OSTF1: variants seen among roughly 807,000 people sequenced by gnomAD.
The protein encoded by OSTF1 is osteoclast-stimulating factor 1.
OSTF1 carries 27 observed loss-of-function variants against 37.2 expected under a neutral mutation model. The ratio of observed to expected loss-of-function variants is 0.73; its 90% CI spans 0.54 to 1.00. The LOEUF is 1.00. OSTF1 is among the 50% of genes least tolerant of loss of function. The pLI is 0.00. For synonymous variants in OSTF1, 82 were observed against 89.2 expected, an observed-to-expected ratio of 0.92 and a Z score of 0.46; for missense variants, 232 against 253.8, an observed-to-expected ratio of 0.91 and a Z score of 0.58.
chr9:75,100,713 A>G (rs1471103969), intron 1 of OSTF1, among the ~76,000 whole-genome samples: 3 of 151,070 alleles, frequency 2.0e-5, no homozygotes, highest in Admixed American at 1.3e-4. Flanking sequence ...CCTGGGCAAC[A>G]GAGTGAGACT....
At chr9:75,098,115 C>G (rs1374289514) in intron 1 of OSTF1, among the ~76,000 whole-genome samples, 2 of 152,112 alleles carry the variant, frequency 1.3e-5, no homozygotes, top group African/African-American at 2.4e-5. Context: ...ATCTTCATGG[C>G]CTCGTACTGG....
At chr9:75,146,387 G>A (rs1826024918) in intron 9 of OSTF1, among the ~76,000 whole-genome samples, 1 of 152,236 alleles carries the variant, frequency 6.6e-6, no homozygotes, top group Non-Finnish European at 1.5e-5. Context: ...AGTGCTGCTG[G>A]TGGTGTATCA....
intron 2 of OSTF1, among the ~76,000 whole-genome samples, chr9:75,120,856 C>T (rs1825569544): frequency 1.3e-5 from 2 of 152,080 alleles, no homozygotes; most frequent in South Asian, 2.1e-4. Context: ...TAGAACCTAT[C>T]TCTCAACCCT....
At chr9:75,138,085 C>G (rs568508400) in intron 8 of OSTF1, among the ~76,000 whole-genome samples, 2 of 152,294 alleles carry the variant, frequency 1.3e-5, no homozygotes, top group African/African-American at 4.8e-5. Flanking sequence ...GAGAGGATAT[C>G]TTGATCCCCT....
At chr9:75,142,318 C>A (rs1322370316) in intron 9 of OSTF1, among the ~76,000 whole-genome samples, 2 of 152,136 alleles carry the variant, frequency 1.3e-5, no homozygotes, top group Admixed American at 1.3e-4. Flanking sequence ...GAGAGACATA[C>A]TTCTGCTTGA....
intron 1 of OSTF1, among the ~76,000 whole-genome samples, chr9:75,111,091 A>G (rs1466822263): frequency 6.6e-6 from 1 of 152,100 alleles, no homozygotes; most frequent in Admixed American, 6.5e-5. Context: ...CAGGAAATAA[A>G]ATAGATTAGA....
At chr9:75,112,839 C>T (rs987741401) in intron 1 of OSTF1, among the ~76,000 whole-genome samples, 4 of 152,184 alleles carry the variant, frequency 2.6e-5, no homozygotes, top group Non-Finnish European at 5.9e-5. Flanking sequence ...AAAGTTCTAT[C>T]GTTATTGATT....
intron 1 of OSTF1, among the ~76,000 whole-genome samples, chr9:75,107,189 A>T (rs1825303353): frequency 6.6e-6 from 1 of 151,002 alleles, no homozygotes; most frequent in South Asian, 2.1e-4. Context: ...TAACTCTTGG[A>T]TACCATCCCA....
At position 75,128,568 on chromosome 9, in the gene OSTF1, TATATATTTTGTCC is replaced by T. The variant is rs34034746; in HGVS notation, c.132+956_132+968del. The stretch of plus-strand genomic sequence containing the variant: ...TATTTTGTCCATATATATATATATA[TATATATTTTGTCC>T]ATATATATATATATATATATATATA... On this transcript the variant is annotated intron_variant, in intron 3 of 9. Coordinates refer to ENST00000346234, the MANE Select transcript of OSTF1 (RefSeq NM_012383.5). 9.1e-4 allele frequency among the ~76,000 whole-genome samples: 19 copies of T among 20,812 alleles called. 7 individuals carry two copies. Among genetic ancestry groups the T allele is most frequent in the East Asian group, 2.9e-3 (4 of 1,360 alleles). The allele number at this position is 20,812 out of a possible 152,430, so 13.7% of individuals were successfully genotyped here.
Position 75,147,033 on chromosome 9 carries a change from A to ATTTTTTTTTTTTTTTTTTTTT in OSTF1, c.*294_*314dup, listed in dbSNP as rs34855201. 2 of 107,898 alleles carry ATTTTTTTTTTTTTTTTTTTTT rather than the reference A, an allele frequency of 1.9e-5. No homozygotes were observed. The highest frequency in any genetic ancestry group is 3.6e-5 in the Non-Finnish European group (2 of 56,234). The allele number at this position is 107,898 out of a possible 1,614,324, so 6.7% of individuals were successfully genotyped here. On this transcript the variant is annotated 3_prime_UTR_variant, in exon 10 of 10. Coordinates refer to ENST00000346234, the MANE Select transcript of OSTF1 (RefSeq NM_012383.5). ...TTTTTTTCTTTAAAAACAAATTAGG[A>ATTTTTTTTTTTTTTTTTTTTT]TTTTTTTTTTTTTTTTTTTTTTAGT...
At chr9:75,109,827 T>C (rs7847851) in intron 1 of OSTF1, among the ~76,000 whole-genome samples, 11,831 of 152,322 alleles carry the variant, frequency 0.078, 980 homozygotes, top group African/African-American at 0.21. Context: ...TACTAATTTA[T>C]GCTCCCACTA....
intron 1 of OSTF1, among the ~76,000 whole-genome samples, chr9:75,109,023 C>CTTT (rs1057097433): frequency 7.4e-6 from 1 of 135,388 alleles, no homozygotes; most frequent in Non-Finnish European, 1.6e-5. Flanking sequence ...CAGGTTTATT[C>CTTT]TTTTTTTTTT....
At chr9:75,093,908 C>A (rs1219560853) in intron 1 of OSTF1, among the ~76,000 whole-genome samples, 2 of 152,084 alleles carry the variant, frequency 1.3e-5, no homozygotes, top group Non-Finnish European at 2.9e-5. Flanking sequence ...TATATTTGGC[C>A]CCATATGTCA....
At chr9:75,139,373 AT>A (rs1215103664) in intron 8 of OSTF1, among the ~76,000 whole-genome samples, 7 of 152,178 alleles carry the variant, frequency 4.6e-5, no homozygotes, top group African/African-American at 1.4e-4. Flanking sequence ...TGCAAAAAAA[AT>A]ATGATACTTT....
rs1221936760 is a variant in OSTF1 at position 75,088,617 on chromosome 9, G to A, written c.-76G>A. The A allele has an allele frequency of 7.5e-6, 11 of 1,470,514 alleles. No homozygotes were observed. The East Asian group carries it at 2.4e-4, about 32-fold the overall frequency. The allele number at this position is 1,470,514 out of a possible 1,614,324, so 91.1% of individuals were successfully genotyped here. ...TAAGCCAGACAAAAAGAACTGGGGT[G>A]CCCGGAGTGCCAGGTGGCGGGCAAG... is the stretch of plus-strand genomic sequence containing the variant. On this transcript the variant is annotated 5_prime_UTR_variant, in exon 1 of 10. Transcript: ENST00000346234.
intron 1 of OSTF1, among the ~76,000 whole-genome samples, chr9:75,093,602 A>G (rs1336898570): frequency 6.6e-6 from 1 of 152,204 alleles, no homozygotes; most frequent in Non-Finnish European, 1.5e-5. Flanking sequence ...TGAAGAAGCA[A>G]ATGTCAGTGT....
In OSTF1 at chr9:75,088,528, C is replaced by G. The variant is rs535417407; in HGVS notation, c.-165C>G. On this transcript the variant is annotated 5_prime_UTR_variant, in exon 1 of 10. Coordinates refer to ENST00000346234, the MANE Select transcript of OSTF1 (RefSeq NM_012383.5). ...CGGGGCGGAGCACTCGGCGGAGCCG[C>G]TCTGCCTGCGTCCGCTCTTCCCGCA... 11 of 735,704 alleles carry G rather than the reference C, an allele frequency of 1.5e-5. No homozygotes were observed. The highest frequency in any genetic ancestry group is 2.4e-5 in the Admixed American group (1 of 42,002). 45.6% of individuals were successfully genotyped at this position (735,704 alleles called of 1,614,324 possible).
intron 7 of OSTF1, among the ~76,000 whole-genome samples, chr9:75,137,246 T>C (rs1825857270): frequency 1.3e-5 from 2 of 152,166 alleles, no homozygotes; most frequent in African/African-American, 4.8e-5. Flanking sequence ...GGCTTCTGCA[T>C]GTTCAAATCT....
At chr9:75,145,263 A>G (rs1329372910) in intron 9 of OSTF1, among the ~76,000 whole-genome samples, 1 of 152,122 alleles carries the variant, frequency 6.6e-6, no homozygotes, top group African/African-American at 2.4e-5. Flanking sequence ...CTATGTATCA[A>G]ATCTAGCTAG....
Sources: allele counts gnomAD v4.1 joint callset (sites outside exome capture counted in the v4.1 genomes callset), GRCh38; gene constraint gnomAD v4.1.1; transcripts MANE v1.5; gene names NCBI Gene and HGNC (gene_info 2026-07-23, HGNC 2026-07-21).